The following SORCS1 variants were observed in gnomAD, a reference collection of about 807,000 sequenced individuals.
SORCS1 encodes the protein VPS10 domain-containing receptor SorCS1.
A neutral mutation model predicts 146.1 loss-of-function variants in SORCS1; 60 were observed. That is an observed-to-expected ratio of 0.41 (90% CI 0.33 to 0.51). SORCS1 has a LOEUF of 0.51. Among genes scored for constraint, SORCS1 ranks in the 20% least tolerant of loss-of-function variants. The pLI, the probability that SORCS1 is intolerant of heterozygous loss-of-function variation, is 0.21. For synonymous variants in SORCS1, 637 were observed against 584.0 expected (o/e 1.09, Z -1.31); for missense variants, 1,352 against 1,487.6 (o/e 0.91, Z 1.50).
intron 1 of SORCS1, among the ~76,000 whole-genome samples, chr10:107,013,816 T>G (rs970886290): frequency 6.6e-6 from 1 of 152,128 alleles, no homozygotes; most frequent in Non-Finnish European, 1.5e-5. Flanking sequence ...AAGATTTTGT[T>G]TCTAACAAGC....
At chr10:106,857,412 C>T (rs1007814397) in intron 2 of SORCS1, among the ~76,000 whole-genome samples, 3 of 152,222 alleles carry the variant, frequency 2.0e-5, no homozygotes, top group Non-Finnish European at 4.4e-5. Flanking sequence ...CAGGGCATTA[C>T]TCAAATCACT....
chr10:106,606,294 C>T (rs1219882382), intron 23 of SORCS1, among the ~76,000 whole-genome samples: 2 of 55,242 alleles, frequency 3.6e-5, no homozygotes, highest in African/African-American at 6.2e-5. Flanking sequence ...CACACACACA[C>T]ACACACACAC....
In SORCS1 at chr10:106,672,032, C is replaced by G. The variant is rs374096131; in HGVS notation, c.2059-665G>C. ...TTCCAGCTAACGCAGGGCCCACTAT[C>G]AGACACACTCCTCCTTTTGTGTTTC... is the stretch of plus-strand genomic sequence containing the variant. On this transcript the variant is annotated intron_variant, in intron 15 of 25. Coordinates refer to ENST00000263054, the MANE Select transcript of SORCS1 (RefSeq NM_052918.5). Among the ~76,000 whole-genome samples, 247 of 152,326 alleles carry G rather than the reference C, an allele frequency of 1.6e-3. 1 individual carries two copies. In the Middle Eastern group the frequency reaches 0.024, roughly 15 times the overall value.
In SORCS1 at chr10:106,797,651, G is replaced by A. The variant is rs531665530; in HGVS notation, c.727-20959C>T. Among the ~76,000 whole-genome samples the A allele has an allele frequency of 9.9e-5, 15 of 152,188 alleles. No homozygotes were observed. In the South Asian group the frequency reaches 3.1e-3, roughly 32 times the overall value. On this transcript the variant is annotated intron_variant, in intron 3 of 25. Coordinates refer to ENST00000263054, the MANE Select transcript of SORCS1 (RefSeq NM_052918.5). The stretch of plus-strand genomic sequence containing the variant: ...CAAAACCTCTCCAAGCACGCTTGGG[G>A]TAAAACATCAATCTGAATATTATTC...
chr10:106,979,473 A>G (rs1054753349), intron 1 of SORCS1, among the ~76,000 whole-genome samples: 1 of 152,068 alleles, frequency 6.6e-6, no homozygotes, highest in Admixed American at 6.5e-5. Flanking sequence ...TGTCCTACAA[A>G]TTATTAGCCC....
At chr10:106,951,378 C>T (rs1269167448) in intron 2 of SORCS1, among the ~76,000 whole-genome samples, 2 of 151,856 alleles carry the variant, frequency 1.3e-5, no homozygotes, top group East Asian at 1.9e-4. Context: ...GGCATGGTGG[C>T]GGGCATCTGT....
chr10:106,932,037 G>C (rs1953447661), intron 2 of SORCS1, among the ~76,000 whole-genome samples: 1 of 152,098 alleles, frequency 6.6e-6, no homozygotes, highest in African/African-American at 2.4e-5. Flanking sequence ...GGAAAGCACA[G>C]GGTTTGGGGA....
intron 3 of SORCS1, among the ~76,000 whole-genome samples, chr10:106,786,629 A>G (rs896982894): frequency 1.2e-4 from 19 of 152,026 alleles, no homozygotes; most frequent in Admixed American, 7.2e-4. Context: ...TGGGAGGAAA[A>G]AAATAGACTT....
At chr10:106,852,188 A>C (rs1434531577) in intron 2 of SORCS1, among the ~76,000 whole-genome samples, 1 of 152,072 alleles carries the variant, frequency 6.6e-6, no homozygotes, top group Non-Finnish European at 1.5e-5. Flanking sequence ...TTCTTGTCTT[A>C]TGGTATTAGC....
intron 5 of SORCS1, among the ~76,000 whole-genome samples, chr10:106,758,150 G>A (rs1858798997): frequency 1.3e-5 from 2 of 152,146 alleles, no homozygotes; most frequent in African/African-American, 4.8e-5. Context: ...TTGATTAGAA[G>A]AGCTTTGCTG....
intron 1 of SORCS1, among the ~76,000 whole-genome samples, chr10:106,957,159 TTTTTTG>T (rs1176789607): frequency 7.5e-5 from 5 of 66,358 alleles, no homozygotes; most frequent in Admixed American, 4.8e-4. Flanking sequence ...CATGTGGTTT[TTTTTTG>T]TTTTTTTTGT....
chr10:106,786,876 G>A (rs374107320), intron 3 of SORCS1, among the ~76,000 whole-genome samples: 1 of 151,938 alleles, frequency 6.6e-6, no homozygotes, highest in African/African-American at 2.4e-5. Flanking sequence ...ATTTTCATTG[G>A]GTCTTACCTT....
At chr10:106,878,714 C>T (rs1326926380) in intron 2 of SORCS1, among the ~76,000 whole-genome samples, 3 of 137,266 alleles carry the variant, frequency 2.2e-5, no homozygotes, top group Non-Finnish European at 4.6e-5. Flanking sequence ...TTTATATGTC[C>T]CTCTGGGTTT....
intron 10 of SORCS1, among the ~76,000 whole-genome samples, chr10:106,685,463 A>G (rs1192030793): frequency 6.6e-6 from 1 of 152,228 alleles, no homozygotes; most frequent in East Asian, 1.9e-4. Flanking sequence ...CATGAAGAAA[A>G]AAAGAGTTAA....
At chr10:106,579,204 T>C in intron 25 of SORCS1, 165 bp downstream of exon 25, 1 of 1,614,130 alleles carries the variant, frequency 6.2e-7, no homozygotes, top group Non-Finnish European at 8.5e-7. Context: ...CATCTCTTGT[T>C]CTTTCTCATT....
chr10:107,018,773 T>A (rs547343988), intron 1 of SORCS1, among the ~76,000 whole-genome samples: 37 of 152,280 alleles, frequency 2.4e-4, no homozygotes, highest in African/African-American at 8.7e-4. Context: ...GGGGTGATGG[T>A]TTTATAGAAA....
At chr10:107,045,913 G>C (rs1345492407) in intron 1 of SORCS1, among the ~76,000 whole-genome samples, 2 of 151,446 alleles carry the variant, frequency 1.3e-5, no homozygotes, top group African/African-American at 2.4e-5. Context: ...GTCTCCCAAG[G>C]AGGTGGGACT....
intron 17 of SORCS1, among the ~76,000 whole-genome samples, chr10:106,666,552 CTCTTTTT>C (rs1851161609): frequency 6.8e-6 from 1 of 147,582 alleles, no homozygotes; most frequent in African/African-American, 2.5e-5. Context: ...ATAAATCTCT[CTCTTTTT>C]TTTTTTTTTT....
intron 18 of SORCS1, among the ~76,000 whole-genome samples, chr10:106,647,162 G>C (rs1849512356): frequency 2.6e-5 from 4 of 151,320 alleles, no homozygotes; most frequent in African/African-American, 9.7e-5. Flanking sequence ...AAACATGCTG[G>C]AGATTTTTAT....
Sources: allele counts gnomAD v4.1 joint callset (sites outside exome capture counted in the v4.1 genomes callset), GRCh38; gene constraint gnomAD v4.1.1; transcripts MANE v1.5; gene names NCBI Gene and HGNC (gene_info 2026-07-23, HGNC 2026-07-21).